The following XPC variants were observed in gnomAD, a reference collection of about 807,000 sequenced individuals.
XPC encodes the protein XPC complex subunit, DNA damage recognition and repair factor, also known as DNA repair protein complementing XP-C cells.
XPC carries 76 observed loss-of-function variants against 95.8 expected under a neutral mutation model. The observed-to-expected ratio is 0.79, with a 90% confidence interval of 0.66 to 0.96. The LOEUF (loss-of-function observed/expected upper bound fraction) is 0.96. Ranked by LOEUF, XPC falls within the 40% of genes least tolerant of loss-of-function variation. The probability of loss-of-function intolerance (pLI) is 0.00; values close to 1 mark genes in which losing one functional copy is unlikely to be tolerated. For missense variants in XPC, 1,146 were observed against 1,179.8 expected, an observed-to-expected ratio of 0.97 and a Z score of 0.42; for synonymous variants, 442 against 442.1, an observed-to-expected ratio of 1.00 and a Z score of 0.00.
chr3:14,158,926 T>A lies in XPC; in HGVS notation c.991-34A>T, dbSNP rs747088928. The A allele has an allele frequency of 6.2e-7, 1 of 1,611,918 alleles. No homozygotes were observed. The highest frequency in any genetic ancestry group is 2.2e-5 in the East Asian group (1 of 44,868). On this transcript the variant is annotated intron_variant, in intron 8 of 15. Coordinates refer to ENST00000285021, the MANE Select transcript of XPC (RefSeq NM_004628.5). This position sits in a 1 kb window ranked among gnomAD's most constrained non-coding sequence, Gnocchi z 5.2. Reference sequence around the variant, plus strand: ...GAATAAGAAATTTTGCTTTTTTTTCTCCCCCCTCTTTTGCTAATGATATGA... The same window carrying A: ...GAATAAGAAATTTTGCTTTTTTTTCACCCCCCTCTTTTGCTAATGATATGA...
At chr3:14,170,195 C>T (rs1395356910) in intron 3 of XPC, among the ~76,000 whole-genome samples, 1 of 152,224 alleles carries the variant, frequency 6.6e-6, no homozygotes, top group Non-Finnish European at 1.5e-5. Context: ...AATAGTGCTG[C>T]CTCTCTATTT....
intron 8 of XPC, 64 bp downstream of exon 8, chr3:14,159,677 T>A: frequency 9.7e-6 from 14 of 1,445,168 alleles, no homozygotes; most frequent in Non-Finnish European, 1.3e-5. Context: ...TAATGATCAA[T>A]TTTTTTAAGT....
chr3:14,152,209 A>T, intron 11 of XPC, 126 bp downstream of exon 11: 1 of 714,968 alleles, frequency 1.4e-6, no homozygotes, highest in Non-Finnish European at 2.3e-6. Flanking sequence ...CGGGAAAGTG[A>T]GACATTTCTG....
At chr3:14,166,209 C>A (rs181450056) in intron 5 of XPC, among the ~76,000 whole-genome samples, 1,928 of 152,220 alleles carry the variant, frequency 0.013, 42 homozygotes, top group African/African-American at 0.042. Flanking sequence ...TTCCTCCCCC[C>A]CGACTAACAG....
chr3:14,146,398 G>A (rs1394350535), intron 15 of XPC, among the ~76,000 whole-genome samples: 1 of 152,118 alleles, frequency 6.6e-6, no homozygotes. Context: ...GGAACACAAG[G>A]ATGATGGCTG....
intron 15 of XPC, among the ~76,000 whole-genome samples, chr3:14,146,392 C>G (rs570202686): frequency 2.0e-5 from 3 of 152,214 alleles, no homozygotes; most frequent in East Asian, 1.9e-4. Context: ...TGCAGGGGAA[C>G]ACAAGGATGA....
At chr3:14,177,250 T>TTAGG (rs1285524652) in intron 1 of XPC, among the ~76,000 whole-genome samples, 1 of 152,144 alleles carries the variant, frequency 6.6e-6, no homozygotes, top group Non-Finnish European at 1.5e-5. Context: ...CCACATTGTA[T>TTAGG]TAGGTATTAT....
intron 2 of XPC, among the ~76,000 whole-genome samples, chr3:14,171,114 G>A (rs1574975519): frequency 6.6e-6 from 1 of 152,190 alleles, no homozygotes. Context: ...ACATAGATAA[G>A]TAGCTGGCTA....
Position 14,148,632 on chromosome 3 carries a change from G to C in XPC, c.2350C>G (p.Arg784Gly). ...LNLPNLHRVA[R>G]KLDIDCVQAI... ...TGGACACAGTCGATGTCCAGCTTGC[G>C]GGCCACGCGGTGTAGATTGGGCAGG... Residue 784 changes from arginine (R) to glycine (G), a missense_variant, in exon 13 of 16, where the codon CGC (arginine) becomes GGC (glycine). Coordinates refer to ENST00000285021, the MANE Select transcript of XPC (RefSeq NM_004628.5). 1 of 1,614,040 alleles carries C rather than the reference G, an allele frequency of 6.2e-7. No individual in the cohort carries two copies. Among genetic ancestry groups the C allele is most frequent in the African/African-American group, 1.3e-5 (1 of 75,056 alleles).
intron 7 of XPC, among the ~76,000 whole-genome samples, chr3:14,162,390 C>T (rs938565408): frequency 6.6e-6 from 1 of 152,150 alleles, no homozygotes; most frequent in Non-Finnish European, 1.5e-5. Context: ...TACTACAAAG[C>T]TATAGTAATC....
At chr3:14,155,267 C>T (rs1050576679) in intron 10 of XPC, among the ~76,000 whole-genome samples, 3 of 152,194 alleles carry the variant, frequency 2.0e-5, no homozygotes, top group African/African-American at 7.2e-5. Flanking sequence ...GGTTTCCCTA[C>T]GCTTCCTTTT....
chr3:14,159,249 T>C (rs1696069405), intron 8 of XPC, among the ~76,000 whole-genome samples: 1 of 152,230 alleles, frequency 6.6e-6, no homozygotes, highest in African/African-American at 2.4e-5. Context: ...TCAGCAGTAC[T>C]ACTACCCACC....
At chr3:14,157,922 T>C in intron 9 of XPC, 89 bp downstream of exon 9, 1 of 1,476,878 alleles carries the variant, frequency 6.8e-7, no homozygotes, top group Non-Finnish European at 9.1e-7. Flanking sequence ...ACACCCAACA[T>C]AGTGCTGGGC....
intron 11 of XPC, chr3:14,151,493 GCATCGC>G (rs1695687418): frequency 6.6e-6 from 1 of 152,218 alleles, no homozygotes; most frequent in African/African-American, 2.4e-5. Context: ...CAGGCAGGGG[GCATCGC>G]CCACTCCAGC....
At chr3:14,151,179 C>T (rs551044291) in intron 11 of XPC, among the ~76,000 whole-genome samples, 1 of 152,130 alleles carries the variant, frequency 6.6e-6, no homozygotes, top group Admixed American at 6.5e-5. Flanking sequence ...ACACCTGAAA[C>T]GTGGCTGGTC....
At chr3:14,146,429 G>A (rs1382343737) in intron 15 of XPC, among the ~76,000 whole-genome samples, 1 of 152,144 alleles carries the variant, frequency 6.6e-6, no homozygotes, top group Non-Finnish European at 1.5e-5. Flanking sequence ...TGCCCTCTAG[G>A]AGCACACTGC....
Position 14,158,262 on chromosome 3 carries a change from T to C in XPC, c.1621A>G (p.Lys541Glu). 6.2e-7 allele frequency: 1 copy of C among 1,613,994 alleles called. No homozygotes were observed. Among genetic ancestry groups the C allele is most frequent in the Non-Finnish European group, 8.5e-7 (1 of 1,179,886 alleles). Reference protein sequence around the residue: ...WLEVFCEQEEKWVCVDCVHGV... With the variant: ...WLEVFCEQEEEWVCVDCVHGV... ...TGCACACAGTCTACACATACCCACT[T>C]TTCCTCCTGCTCACAGAACACCTCT... Residue 541 changes from lysine (K) to glutamate (E), a missense_variant, in exon 9 of 16, where the codon AAG (lysine) becomes GAG (glutamate). Transcript: ENST00000285021. The surrounding 1 kb of genome is among the most constrained non-coding windows in gnomAD (Gnocchi z 5.2).
At position 14,167,226 on chromosome 3, in the gene XPC, T is replaced by C. The variant is rs1696419534; in HGVS notation, c.564A>G (p.Thr188=). ...RSEKIKLEFE[T]YLRRAMKRFN... The stretch of plus-strand genomic sequence containing the variant: ...AACGTTTCATCGCCCTCCGAAGATA[T>C]GTCTCAAACTCCAGTTTTATCTTTT... Residue 188 remains threonine, a synonymous_variant, in exon 5 of 16, where the codon ACA becomes ACG. Coordinates refer to ENST00000285021, the MANE Select transcript of XPC (RefSeq NM_004628.5). 1.2e-6 allele frequency: 2 copies of C among 1,611,600 alleles called. No homozygotes were observed. Among genetic ancestry groups the C allele is most frequent in the Non-Finnish European group, 8.5e-7 (1 of 1,178,772 alleles).
chr3:14,173,574 C>T (rs1372297397), intron 1 of XPC, among the ~76,000 whole-genome samples: 1 of 152,134 alleles, frequency 6.6e-6, no homozygotes, highest in African/African-American at 2.4e-5. Flanking sequence ...TCCAATGTAA[C>T]CCAAATGGCA....
Sources: gnomAD v4.1 joint callset for allele counts (sites outside exome capture counted in the v4.1 genomes callset) on GRCh38, gnomAD v4.1.1 for gene constraint, Gnocchi (gnomAD v3.1) non-coding constraint, MANE v1.5 for transcripts, NCBI Gene and HGNC (gene_info 2026-07-23, HGNC 2026-07-21) for gene names.